The following SPINK9 variants were observed in gnomAD, a reference collection of about 807,000 sequenced individuals.
SPINK9 encodes serine peptidase inhibitor Kazal type 9, also known as serine protease inhibitor Kazal-type 9.
A neutral mutation model predicts 10.8 loss-of-function variants in SPINK9; 3 were observed. That is an observed-to-expected ratio of 0.28 (90% CI 0.13 to 0.72). The LOEUF (loss-of-function observed/expected upper bound fraction) is 0.72, where lower values mean the gene tolerates loss of function less well. Among genes scored for constraint, SPINK9 ranks in the 30% least tolerant of loss-of-function variants. SPINK9 has a pLI of 0.74. For missense variants in SPINK9, 101 were observed against 103.2 expected, an observed-to-expected ratio of 0.98 and a Z score of 0.09; for synonymous variants, 30 against 31.2, an observed-to-expected ratio of 0.96 and a Z score of 0.12.
intron 2 of SPINK9, among the ~76,000 whole-genome samples, chr5:148,329,507 C>T (rs542911604): frequency 7.2e-5 from 11 of 152,320 alleles, no homozygotes; most frequent in Non-Finnish European, 1.6e-4. Context: ...TTATCTCCTT[C>T]AGTTCCGCTC....
chr5:148,329,463 G>T (rs1757117883), intron 2 of SPINK9, among the ~76,000 whole-genome samples: 1 of 152,088 alleles, frequency 6.6e-6, no homozygotes, highest in Non-Finnish European at 1.5e-5. Context: ...CCAGCTCCCG[G>T]ATTCACTGAT....
upstream of SPINK9, among the ~76,000 whole-genome samples, chr5:148,331,023 C>T (rs1022749891): frequency 6.6e-6 from 1 of 152,206 alleles, no homozygotes; most frequent in African/African-American, 2.4e-5. Flanking sequence ...ATTCCCTGAC[C>T]CCTTGCACTT....
At chr5:148,327,974 G>C (rs1455654696) in intron 2 of SPINK9, among the ~76,000 whole-genome samples, 2 of 150,994 alleles carry the variant, frequency 1.3e-5, no homozygotes, top group African/African-American at 4.8e-5. Flanking sequence ...GCTTAGGATT[G>C]ACTTGGCAAT....
upstream of SPINK9, among the ~76,000 whole-genome samples, chr5:148,330,673 C>T (rs1464995631): frequency 6.6e-6 from 1 of 152,048 alleles, no homozygotes; most frequent in African/African-American, 2.4e-5. Flanking sequence ...TTAGTGCTTC[C>T]TTCAGGAGTT....
At chr5:148,335,499 T>G (rs1266156485), upstream of SPINK9, 1 of 880,818 alleles carries the variant, frequency 1.1e-6, no homozygotes, top group African/African-American at 1.7e-5. Context: ...GAAATTGCTA[T>G]TTCACAATTG....
intron 1 of SPINK9, among the ~76,000 whole-genome samples, chr5:148,322,659 A>C (rs67468705): frequency 0.36 from 55,029 of 152,060 alleles, 11,055 homozygotes; most frequent in East Asian, 0.58. Context: ...ATCTATAAAG[A>C]ACTTTATAGT....
chr5:148,335,792 A>G, intron 1 of SPINK9, 124 bp downstream of exon 1: 1 of 1,172,242 alleles, frequency 8.5e-7, no homozygotes, highest in Non-Finnish European at 1.2e-6. Flanking sequence ...TTTAAAATGA[A>G]TCTTTTGCCT....
intron 2 of SPINK9, among the ~76,000 whole-genome samples, chr5:148,337,798 T>A (rs1757236148): frequency 6.6e-6 from 1 of 152,164 alleles, no homozygotes; most frequent in Non-Finnish European, 1.5e-5. Flanking sequence ...ACATAGAATT[T>A]GCATTCAGAT....
At chr5:148,338,350 T>C (rs1757244558) in intron 2 of SPINK9, 128 bp from the exon 3 acceptor site, 1 of 705,328 alleles carries the variant, frequency 1.4e-6, no homozygotes, top group East Asian at 2.8e-5. Flanking sequence ...TTGAAGGGGG[T>C]AGATGAGAAC....
chr5:148,329,716 G>A (rs1454393486), intron 2 of SPINK9, among the ~76,000 whole-genome samples: 11 of 151,978 alleles, frequency 7.2e-5, no homozygotes, highest in South Asian at 2.1e-4. Context: ...CTTTGTTCTC[G>A]TTGGTTTCAA....
chr5:148,336,289 G>A (rs1387767144), intron 1 of SPINK9, 133 bp from the exon 2 acceptor site: 1 of 927,364 alleles, frequency 1.1e-6, no homozygotes, highest in African/African-American at 1.7e-5. Flanking sequence ...ATACAATGCT[G>A]ATACACAGTT....
intron 1 of SPINK9, among the ~76,000 whole-genome samples, chr5:148,322,684 C>T (rs568006627): frequency 6.6e-6 from 1 of 152,336 alleles, no homozygotes; most frequent in South Asian, 2.1e-4. Flanking sequence ...AAAACACTTT[C>T]ATAGCCCAGT....
chr5:148,323,910 T>G lies in SPINK9; in HGVS notation c.118+42T>G, dbSNP rs954270307. Reference sequence around the variant, plus strand: ...AGTAATTTAATGTGTATCTAAAGTATTTCTTTCCTTACTTATAAAATAAAG... The same window carrying G: ...AGTAATTTAATGTGTATCTAAAGTAGTTCTTTCCTTACTTATAAAATAAAG... On this transcript the variant is annotated intron_variant, in intron 2 of 4. Transcript: ENST00000511717. 3 of 670,854 alleles carry G rather than the reference T, an allele frequency of 4.5e-6. No individual in the cohort carries two copies. The African/African-American group carries it at 5.4e-5, about 12-fold the overall frequency. The allele number at this position is 670,854 out of a possible 1,614,324, so 41.6% of individuals were successfully genotyped here. A position where few individuals can be genotyped will look rare whatever the true frequency, so the allele number is the denominator to read the frequency against.
intron 2 of SPINK9, among the ~76,000 whole-genome samples, chr5:148,330,243 C>T (rs1056145626): frequency 1.3e-4 from 20 of 152,140 alleles, no homozygotes; most frequent in Admixed American, 1.2e-3. Flanking sequence ...TGAATTGATC[C>T]CTTTACCATT....
At chr5:148,323,707 T>C (rs763831833) in exon 2 of SPINK9, 4 of 647,774 alleles carry the variant, frequency 6.2e-6, no homozygotes, top group South Asian at 3.4e-5. Context: ...AGTGATTTCA[T>C]TGAGATTTGT....
chr5:148,338,677 T>C (rs997756599), intron 3 of SPINK9, 72 bp downstream of exon 3: 1 of 1,180,314 alleles, frequency 8.5e-7, no homozygotes, highest in South Asian at 1.5e-5. Flanking sequence ...GAAGGTGTGA[T>C]GTAGGGCCTA....
upstream of SPINK9, among the ~76,000 whole-genome samples, chr5:148,331,029 C>A (rs907030050): frequency 6.6e-6 from 1 of 152,370 alleles, no homozygotes; most frequent in South Asian, 2.1e-4. Context: ...TGACCCCTTG[C>A]ACTTCCTGGG....
chr5:148,335,705 C>T, intron 1 of SPINK9, 37 bp downstream of exon 1: 2 of 1,603,462 alleles, frequency 1.2e-6, no homozygotes, highest in Non-Finnish European at 1.7e-6. Flanking sequence ...TGCCCTTGTA[C>T]TAATAGCTCA....
chr5:148,328,526 C>T (rs1009145060), intron 2 of SPINK9, among the ~76,000 whole-genome samples: 1 of 152,170 alleles, frequency 6.6e-6, no homozygotes, highest in Non-Finnish European at 1.5e-5. Flanking sequence ...CTGGCCAGAA[C>T]TTCCAACACT....
Sources: allele counts gnomAD v4.1 joint callset (sites outside exome capture counted in the v4.1 genomes callset), GRCh38; gene constraint gnomAD v4.1.1; transcripts MANE v1.5; gene names NCBI Gene and HGNC (gene_info 2026-07-23, HGNC 2026-07-21).